The following TCAIM variants were observed in gnomAD, a reference collection of about 807,000 sequenced individuals.
The protein encoded by TCAIM is T-cell activation inhibitor, mitochondrial.
In TCAIM, 36 loss-of-function variants were observed where a neutral mutation model predicts 58.6. The observed-to-expected ratio is 0.61, with a 90% CI of 0.47 to 0.81. TCAIM has a LOEUF of 0.81. TCAIM is among the 30% of genes least tolerant of loss of function. The pLI is 0.00. For missense variants in TCAIM, 466 were observed against 579.6 expected (o/e 0.80, Z 2.01); for synonymous variants, 172 against 193.6 (o/e 0.89, Z 0.93).
At chr3:44,355,794 A>G (rs1042828543) in intron 2 of TCAIM, among the ~76,000 whole-genome samples, 1 of 152,218 alleles carries the variant, frequency 6.6e-6, no homozygotes, top group Admixed American at 6.5e-5. Context: ...GCCTTCTGTA[A>G]CCAGGCTGAA....
chr3:44,401,754 G>A (rs991680556), intron 10 of TCAIM, among the ~76,000 whole-genome samples: 10 of 152,184 alleles, frequency 6.6e-5, no homozygotes, highest in African/African-American at 9.7e-5. Context: ...TCTTAGGCCC[G>A]GCACGGTGGC....
chr3:44,369,486 T>G (rs1346951756), intron 5 of TCAIM, among the ~76,000 whole-genome samples: 1 of 152,186 alleles, frequency 6.6e-6, no homozygotes, highest in Non-Finnish European at 1.5e-5. Context: ...AGTTTTTATT[T>G]GGAGCTGGAT....
intron 1 of TCAIM, among the ~76,000 whole-genome samples, chr3:44,348,118 C>T (rs1701007800): frequency 6.6e-6 from 1 of 152,152 alleles, no homozygotes; most frequent in Non-Finnish European, 1.5e-5. Context: ...TCAATACCCA[C>T]AACAGTTATG....
At position 44,358,708 on chromosome 3, in the gene TCAIM, A is replaced by G. The variant is rs114214731; in HGVS notation, c.165+832A>G. 3.4e-4 allele frequency: 337 copies of G among 985,216 alleles called. 1 individual carries two copies. In the African/African-American group the frequency reaches 5.4e-3, roughly 16 times the overall value. The allele number at this position is 985,216 out of a possible 1,614,324, so 61.0% of individuals were successfully genotyped here. A position where few individuals can be genotyped will look rare whatever the true frequency, so the allele number is the denominator to read the frequency against. On this transcript the variant is annotated intron_variant, in intron 3 of 10. Transcript: ENST00000342649. ...CGGGAGGTCCTGGAACCAATCCCCT[A>G]TGGATACCAAGGGACTGCTATGTAT...
chr3:44,344,869 T>C (rs1700933257), intron 1 of TCAIM, among the ~76,000 whole-genome samples: 1 of 152,038 alleles, frequency 6.6e-6, no homozygotes, highest in Admixed American at 6.6e-5. Flanking sequence ...CACAAGGTGC[T>C]CAGTCGGGGA....
intron 1 of TCAIM, among the ~76,000 whole-genome samples, chr3:44,343,497 C>T (rs1700897524): frequency 6.6e-6 from 1 of 151,884 alleles, no homozygotes; most frequent in Non-Finnish European, 1.5e-5. Flanking sequence ...AACACATAAC[C>T]AATATGAAAA....
At chr3:44,394,916 AAAAAAATATATATATATATATATATAT>A in intron 6 of TCAIM, among the ~76,000 whole-genome samples, 2 of 37,130 alleles carry the variant, frequency 5.4e-5, no homozygotes, top group Admixed American at 5.0e-4. Context: ...AAAAAAAAAA[AAAAAAATATATATATATATATATATAT>A]ATATATATAT....
At chr3:44,344,265 A>G (rs777633598) in intron 1 of TCAIM, among the ~76,000 whole-genome samples, 10 of 152,040 alleles carry the variant, frequency 6.6e-5, no homozygotes, top group Non-Finnish European at 1.2e-4. Context: ...CCAAAGTGCT[A>G]TGATTACAGG....
intron 1 of TCAIM, among the ~76,000 whole-genome samples, chr3:44,341,915 T>A (rs1700861858): frequency 6.6e-6 from 1 of 152,190 alleles, no homozygotes; most frequent in Admixed American, 6.5e-5. Context: ...AGGTTCTAAA[T>A]TAGATTTCAC....
At chr3:44,367,291 T>C (rs1701394815) in intron 4 of TCAIM, among the ~76,000 whole-genome samples, 165 bp from the exon 5 acceptor site, 1 of 152,136 alleles carries the variant, frequency 6.6e-6, no homozygotes, top group Admixed American at 6.6e-5. Context: ...AAAAATAGTG[T>C]GGTGTAGTTT....
rs1377785997 is a variant in TCAIM at position 44,359,029 on chromosome 3, G to A, written c.165+1153G>A. 1.1e-5 allele frequency: 11 copies of A among 982,332 alleles called. No individual in the cohort carries two copies. In the African/African-American group the frequency reaches 1.2e-4, roughly 11 times the overall value. The allele number at this position is 982,332 out of a possible 1,614,324, so 60.9% of individuals were successfully genotyped here. ...TTAATAAAGTTTTTAAATTCAAAAT[G>A]TATAGAAAAATCAAGCTTAGTAATA... is the stretch of plus-strand genomic sequence containing the variant. On this transcript the variant is annotated intron_variant, in intron 3 of 10. Transcript: ENST00000342649.
rs1030583413 is a variant in TCAIM at position 44,338,813 on chromosome 3, G to GC, written c.-65dup. ...GTGGAACTAGTCGGACAAAGCCCTC[G>GC]CGTCGGACCCTTGCCAGAACTGTAA... On this transcript the variant is annotated 5_prime_UTR_variant, in exon 1 of 11. Transcript: ENST00000342649. 1.6e-4 allele frequency: 24 copies of GC among 152,450 alleles called. No individual in the cohort carries two copies. Among genetic ancestry groups the GC allele is most frequent in the African/African-American group, 5.8e-4 (24 of 41,594 alleles). The allele number at this position is 152,450 out of a possible 1,614,324, so 9.4% of individuals were successfully genotyped here. A position where few individuals can be genotyped will look rare whatever the true frequency, so the allele number is the denominator to read the frequency against.
chr3:44,400,579 C>A lies in TCAIM; in HGVS notation c.1110C>A (p.Ile370=), dbSNP rs558913281. ...HPRSLRGLQM[I]LNSDRYAPSL... The stretch of plus-strand genomic sequence containing the variant: ...GAAGTTTGCGTGGTTTACAAATGAT[C>A]CTTAACAGGTAAATATCTAAGATAG... The change falls in exon 9 of 11, where the codon ATC becomes ATA. Residue 370 remains isoleucine (I), a synonymous_variant. Transcript: ENST00000342649. 84 of 1,610,582 alleles carry A rather than the reference C, an allele frequency of 5.2e-5. 2 individuals are homozygous for A. In the South Asian group the frequency reaches 8.8e-4, roughly 17 times the overall value.
intron 3 of TCAIM, chr3:44,358,353 T>C: frequency 1.4e-6 from 1 of 720,360 alleles, no homozygotes; most frequent in Non-Finnish European, 2.4e-6. Flanking sequence ...ATGGTAGATG[T>C]AGTTAAGACA....
intron 5 of TCAIM, among the ~76,000 whole-genome samples, chr3:44,381,380 A>G (rs1485175294): frequency 1.3e-5 from 2 of 152,190 alleles, no homozygotes; most frequent in African/African-American, 2.4e-5. Flanking sequence ...TAAATCATCT[A>G]GAATGATCAT....
At chr3:44,375,535 G>C (rs4682972) in intron 5 of TCAIM, among the ~76,000 whole-genome samples, 71,248 of 152,100 alleles carry the variant, frequency 0.47, 18,488 homozygotes, top group East Asian at 0.81. Context: ...CTGCCTCCAT[G>C]ACCCAAAACT....
Position 44,353,395 on chromosome 3 carries a change from T to C in TCAIM, c.-44-1344T>C, listed in dbSNP as rs566159733. On this transcript the variant is annotated intron_variant, in intron 1 of 10. Coordinates refer to ENST00000342649, the MANE Select transcript of TCAIM (RefSeq NM_173826.4). ...AAAGCCTCTGTAAACACCTGTGCGC[T>C]AGTTGTTGTGTGGACATAGTTTTCA... Among the ~76,000 whole-genome samples the C allele has an allele frequency of 6.8e-4, 103 of 152,370 alleles. 3 individuals are homozygous for C. In the South Asian group the frequency reaches 0.02, roughly 30 times the overall value.
At chr3:44,372,611 A>T (rs1701496982) in intron 5 of TCAIM, among the ~76,000 whole-genome samples, 1 of 150,804 alleles carries the variant, frequency 6.6e-6, no homozygotes, top group African/African-American at 2.4e-5. Context: ...TCTTTTTTTA[A>T]GACAGAGTCT....
In TCAIM at chr3:44,406,567, A is replaced by G. The variant is rs1017362291; in HGVS notation, c.1251-875A>G. Among the ~76,000 whole-genome samples, 10 of 152,350 alleles carry G rather than the reference A, an allele frequency of 6.6e-5. No individual in the cohort carries two copies. The East Asian group carries it at 1.9e-3, about 29-fold the overall frequency. On this transcript the variant is annotated intron_variant, in intron 10 of 10. Coordinates refer to ENST00000342649, the MANE Select transcript of TCAIM (RefSeq NM_173826.4). Reference sequence around the variant, plus strand: ...TTATAGGCCATGATAACTAACTGCTATGACCATTTCTGTTTTTTACTGTCT... The same window carrying G: ...TTATAGGCCATGATAACTAACTGCTGTGACCATTTCTGTTTTTTACTGTCT...
Sources: gnomAD v4.1 joint callset for allele counts (sites outside exome capture counted in the v4.1 genomes callset) on GRCh38, gnomAD v4.1.1 for gene constraint, MANE v1.5 for transcripts, NCBI Gene and HGNC (gene_info 2026-07-23, HGNC 2026-07-21) for gene names.